Variants in SRSF3 observed in about 807,000 individuals in gnomAD.
SRSF3 encodes serine and arginine rich splicing factor 3.
For missense variants in SRSF3, 58 were observed against 217.1 expected (o/e 0.27, Z 4.61); for synonymous variants, 87 against 73.6 (o/e 1.18, Z -0.93).
Position 36,603,717 on chromosome 6 carries a change from A to G in SRSF3, c.*1728A>G, listed in dbSNP as rs1778761433. The stretch of plus-strand genomic sequence containing the variant: ...TGGCATTGGGCATTTTGTCTTTAGT[A>G]TTCTCACATAGCCTACAACCTGTTC... On this transcript the variant is annotated 3_prime_UTR_variant, in exon 6 of 6. Coordinates refer to ENST00000373715, the MANE Select transcript of SRSF3 (RefSeq NM_003017.5). The G allele has an allele frequency of 4.3e-6, 1 of 230,706 alleles. No individual in the cohort carries two copies. The highest frequency in any genetic ancestry group is 5.7e-5 in the Admixed American group (1 of 17,692). 14.3% of individuals were successfully genotyped at this position (230,706 alleles called of 1,614,324 possible).
At chr6:36,598,748 AGGTGTG>A in intron 2 of SRSF3, 95 bp from the exon 3 acceptor site, 1 of 1,322,804 alleles carries the variant, frequency 7.6e-7, no homozygotes, top group South Asian at 1.4e-5. Flanking sequence ...ACAGACACTT[AGGTGTG>A]TTCTTTGCAG....
chr6:36,601,758 A>G lies in SRSF3; in HGVS notation c.431A>G (p.Asn144Ser). 6.2e-7 allele frequency: 1 copy of G among 1,610,754 alleles called. No homozygotes were observed. The highest frequency in any genetic ancestry group is 8.5e-7 in the Non-Finnish European group (1 of 1,177,328). Residue 144 changes from asparagine to serine, a missense_variant, in exon 5 of 6, where the codon AAT becomes AGT. By Grantham distance (46) the Asn-to-Ser change is conservative. Coordinates refer to ENST00000373715, the MANE Select transcript of SRSF3 (RefSeq NM_003017.5). Reference sequence around the variant, plus strand: ...GAGAGATCGCTGTCTCGGGAGAGAAATCACAAGCCGTCCCGATCCTTCTCT... The same window carrying G: ...GAGAGATCGCTGTCTCGGGAGAGAAGTCACAAGCCGTCCCGATCCTTCTCT... ...RRERSLSRER[N>S]HKPSRSFSRS...
chr6:36,600,134 AAGC>A, intron 3 of SRSF3: 4 of 1,068,984 alleles, frequency 3.7e-6, no homozygotes, highest in Non-Finnish European at 4.6e-6. Flanking sequence ...GCTAACAAAA[AAGC>A]AGGAAAAATC....
chr6:36,600,992 C>CTTTTTTTTTT (rs1169887735), intron 3 of SRSF3, 160 bp from the exon 4 acceptor site: 5 of 340,294 alleles, frequency 1.5e-5, no homozygotes, highest in Admixed American at 7.0e-5. Context: ...TTTTTCTTTT[C>CTTTTTTTTTT]TTTTTTTTCT....
chr6:36,604,628 A>C lies in SRSF3; in HGVS notation c.*2639A>C, dbSNP rs776678446. ...TCCCGTCAGCGTCCATGACACTCCC[A>C]CCCTGTTAGACTGCTGTCAGTGGCT... On this transcript the variant is annotated 3_prime_UTR_variant, in exon 6 of 6. Transcript: ENST00000373715. 6.0e-6 allele frequency: 1 copy of C among 166,750 alleles called. No individual in the cohort carries two copies. The highest frequency in any genetic ancestry group is 1.3e-5 in the Non-Finnish European group (1 of 76,346). 10.3% of individuals were successfully genotyped at this position (166,750 alleles called of 1,614,324 possible).
chr6:36,595,149 A>G (rs996202584), intron 1 of SRSF3, among the ~76,000 whole-genome samples: 3 of 152,208 alleles, frequency 2.0e-5, no homozygotes, highest in Non-Finnish European at 2.9e-5. Flanking sequence ...GCCCAGAGTA[A>G]GAAGAACGTG....
intron 1 of SRSF3, among the ~76,000 whole-genome samples, chr6:36,595,839 A>G (rs1400184119): frequency 6.6e-6 from 1 of 152,222 alleles, no homozygotes; most frequent in Non-Finnish European, 1.5e-5. Flanking sequence ...TTTACCGCGT[A>G]AGACTCTGGT....
At chr6:36,601,823 A>G (rs777131137) in intron 5 of SRSF3, 29 bp downstream of exon 5, 1 of 1,604,222 alleles carries the variant, frequency 6.2e-7, no homozygotes, top group Non-Finnish European at 8.5e-7. Flanking sequence ...TGTATTTAAG[A>G]CTTTGCATAC....
Position 36,602,215 on chromosome 6 carries a change from A to T in SRSF3, c.*226A>T. The T allele has an allele frequency of 1.2e-6, 1 of 861,578 alleles. No homozygotes were observed. Among genetic ancestry groups the T allele is most frequent in the South Asian group, 3.2e-5 (1 of 31,134 alleles). The allele number at this position is 861,578 out of a possible 1,614,324, so 53.4% of individuals were successfully genotyped here. A position where few individuals can be genotyped will look rare whatever the true frequency, so the allele number is the denominator to read the frequency against. On this transcript the variant is annotated 3_prime_UTR_variant, in exon 6 of 6. Coordinates refer to ENST00000373715, the MANE Select transcript of SRSF3 (RefSeq NM_003017.5). ...TAATACCAAGAATTGTTACTTTACAATGTTCCCTTAAGCAAAATTGAATTT... is the reference window on the plus strand; with the variant it reads ...TAATACCAAGAATTGTTACTTTACATTGTTCCCTTAAGCAAAATTGAATTT...
rs532874355 is a variant in SRSF3, at chr6:36,596,427, G to A, written c.-2-334G>A. Among the ~76,000 whole-genome samples, 96 of 152,114 alleles carry A rather than the reference G, an allele frequency of 6.3e-4. 3 individuals carry two copies. In the South Asian group the frequency reaches 0.018, roughly 28 times the overall value. Reference sequence around the variant, plus strand: ...AAATGCTTTATTTTGGGGATTAAATGAAATAACAGGTTAAGTCTCTTAACT... The same window carrying A: ...AAATGCTTTATTTTGGGGATTAAATAAAATAACAGGTTAAGTCTCTTAACT... On this transcript the variant is annotated intron_variant, in intron 1 of 5. Transcript: ENST00000373715.
In SRSF3 at chr6:36,603,897, G is replaced by A. The variant is rs192211568; in HGVS notation, c.*1908G>A. The A allele has an allele frequency of 3.9e-5, 9 of 230,582 alleles. No individual in the cohort carries two copies. Among genetic ancestry groups the A allele is most frequent in the African/African-American group, 1.8e-4 (8 of 45,236 alleles). 14.3% of individuals were successfully genotyped at this position (230,582 alleles called of 1,614,324 possible). ...AAGTTGGAAGGGTTTCTGTAAAAAG[G>A]ACAGTTACGGGTATAATATGGCTAA... On this transcript the variant is annotated 3_prime_UTR_variant, in exon 6 of 6. Coordinates refer to ENST00000373715, the MANE Select transcript of SRSF3 (RefSeq NM_003017.5).
In SRSF3 at chr6:36,596,582, G is replaced by T. The variant is rs552646197; in HGVS notation, c.-2-179G>T. 1.2e-3 allele frequency among the ~76,000 whole-genome samples: 170 copies of T among 144,388 alleles called. 17 individuals are homozygous for T. The highest frequency in any genetic ancestry group is 2.2e-3 in the Admixed American group (33 of 14,706). The allele number at this position is 144,388 out of a possible 152,430, so 94.7% of individuals were successfully genotyped here. Reference sequence around the variant, plus strand: ...ATAATGGGGCGGGGTGGCGGGGGGGGGGAAATGGGTGCTTAGCAGTAACAT... The same window carrying T: ...ATAATGGGGCGGGGTGGCGGGGGGGTGGAAATGGGTGCTTAGCAGTAACAT... On this transcript the variant is annotated intron_variant, in intron 1 of 5. Coordinates refer to ENST00000373715, the MANE Select transcript of SRSF3 (RefSeq NM_003017.5).
At position 36,602,865 on chromosome 6, in the gene SRSF3, A is replaced by G. The variant is rs1778741068; in HGVS notation, c.*876A>G. 9.6e-6 allele frequency: 2 copies of G among 208,588 alleles called. No homozygotes were observed. Among genetic ancestry groups the G allele is most frequent in the Admixed American group, 1.2e-4 (2 of 16,896 alleles). The allele number at this position is 208,588 out of a possible 1,614,324, so 12.9% of individuals were successfully genotyped here. A position where few individuals can be genotyped will look rare whatever the true frequency, so the allele number is the denominator to read the frequency against. On this transcript the variant is annotated 3_prime_UTR_variant, in exon 6 of 6. Transcript: ENST00000373715. ...AGGTATAACATTCCTATTGGAAGCC[A>G]TACTTATATTTTCTTGTAAAGTGCT...
rs1778770583 is a variant in SRSF3, at chr6:36,604,038, A to G, written c.*2049A>G. 1 of 229,998 alleles carries G rather than the reference A, an allele frequency of 4.3e-6. No homozygotes were observed. The highest frequency in any genetic ancestry group is 8.6e-6 in the Non-Finnish European group (1 of 116,122). The allele number at this position is 229,998 out of a possible 1,614,324, so 14.2% of individuals were successfully genotyped here. ...AACCAGGAGCCCTAGCATAACCTCA[A>G]GACTCTTAGAAACTTTAGAACATGG... On this transcript the variant is annotated 3_prime_UTR_variant, in exon 6 of 6. Coordinates refer to ENST00000373715, the MANE Select transcript of SRSF3 (RefSeq NM_003017.5).
At chr6:36,598,366 A>G (rs947416794) in intron 2 of SRSF3, 1 of 152,238 alleles carries the variant, frequency 6.6e-6, no homozygotes, top group African/African-American at 2.4e-5. Context: ...TTGAAATTTT[A>G]ATTTGAAACT....
In SRSF3 at chr6:36,597,095, ATCTT is replaced by A; in HGVS notation, c.206+129_206+132del. On this transcript the variant is annotated intron_variant, in intron 2 of 5. Transcript: ENST00000373715. Reference sequence around the variant, plus strand: ...AATTGTATCTTTAGATACAATTGGGATCTTTTTTTTTTTTTTTTTTTTTGGTGGG... The same window carrying A: ...AATTGTATCTTTAGATACAATTGGGATTTTTTTTTTTTTTTTTTTGGTGGG... The A allele has an allele frequency of 8.7e-5, 43 of 493,728 alleles. No individual in the cohort carries two copies. In the Middle Eastern group the frequency reaches 1.6e-3, roughly 18 times the overall value. 30.6% of individuals were successfully genotyped at this position (493,728 alleles called of 1,614,324 possible). A position where few individuals can be genotyped will look rare whatever the true frequency, so the allele number is the denominator to read the frequency against.
intron 3 of SRSF3, among the ~76,000 whole-genome samples, 194 bp downstream of exon 3, chr6:36,599,177 GT>G (rs1778678454): frequency 3.3e-5 from 5 of 152,184 alleles, no homozygotes; most frequent in Admixed American, 3.3e-4. Flanking sequence ...CACTGTTCAT[GT>G]TGGTAGTCAG....
Position 36,603,665 on chromosome 6 carries a change from G to C in SRSF3, c.*1676G>C, listed in dbSNP as rs1778757247. 1 of 230,400 alleles carries C rather than the reference G, an allele frequency of 4.3e-6. No homozygotes were observed. Among genetic ancestry groups the C allele is most frequent in the Admixed American group, 5.6e-5 (1 of 17,700 alleles). 14.3% of individuals were successfully genotyped at this position (230,400 alleles called of 1,614,324 possible). On this transcript the variant is annotated 3_prime_UTR_variant, in exon 6 of 6. Transcript: ENST00000373715. ...GCATGTTCAAGAAAGACACTTTTCA[G>C]ACAGCCTGTTTATTTACTGAGAGCT... is the stretch of plus-strand genomic sequence containing the variant.
At chr6:36,601,212 C>T in intron 4 of SRSF3, 22 bp downstream of exon 4, 2 of 1,612,658 alleles carry the variant, frequency 1.2e-6, no homozygotes, top group South Asian at 1.1e-5. Context: ...CCTTTTTTGG[C>T]TACGTTCTTA....
Sources: allele counts gnomAD v4.1 joint callset (sites outside exome capture counted in the v4.1 genomes callset), GRCh38; gene constraint gnomAD v4.1.1; transcripts MANE v1.5; gene names NCBI Gene and HGNC (gene_info 2026-07-23, HGNC 2026-07-21).